MSRA: variants seen among roughly 807,000 people sequenced by gnomAD.
The protein encoded by MSRA is mitochondrial peptide methionine sulfoxide reductase.
MSRA carries 54 observed loss-of-function variants against 31.3 expected under a neutral mutation model. The observed-to-expected ratio is 1.73, with a 90% CI of 1.39 to 2.17. The LOEUF (loss-of-function observed/expected upper bound fraction) is 2.17. Among genes scored for constraint, MSRA ranks in the 30% most tolerant of loss-of-function variants. The pLI is 0.00. For synonymous variants in MSRA, 169 were observed against 116.5 expected (o/e 1.45, Z -2.90); for missense variants, 507 against 300.9 (o/e 1.69, Z -5.07).
At chr8:10,146,428 C>G (rs551069008) in intron 1 of MSRA, among the ~76,000 whole-genome samples, 131 of 152,296 alleles carry the variant, frequency 8.6e-4, no homozygotes, top group Non-Finnish European at 1.4e-3. Context: ...CCCTGGGATG[C>G]TCTTGCATCG....
chr8:10,188,351 A>C (rs560511506), intron 1 of MSRA, among the ~76,000 whole-genome samples: 111 of 152,196 alleles, frequency 7.3e-4, no homozygotes, highest in Non-Finnish European at 1.4e-3. Context: ...AAACTTCCTC[A>C]TGTTATCGTT....
chr8:10,099,764 C>T (rs940468336), intron 1 of MSRA, among the ~76,000 whole-genome samples: 4 of 152,152 alleles, frequency 2.6e-5, no homozygotes, highest in African/African-American at 9.7e-5. Flanking sequence ...CTTGCGGTGG[C>T]CATTGGAGAT....
intron 1 of MSRA, among the ~76,000 whole-genome samples, chr8:10,164,146 C>G (rs1804916271): frequency 1.3e-5 from 2 of 152,208 alleles, no homozygotes; most frequent in Non-Finnish European, 2.9e-5. Flanking sequence ...CAGAATACTA[C>G]TTTTAACTGG....
intron 3 of MSRA, among the ~76,000 whole-genome samples, chr8:10,262,873 C>T (rs558636619): frequency 6.6e-6 from 1 of 152,168 alleles, no homozygotes; most frequent in Non-Finnish European, 1.5e-5. Flanking sequence ...CTTCTATTGA[C>T]CTTGTTACTG....
chr8:10,285,875 A>G (rs10098384), intron 3 of MSRA, among the ~76,000 whole-genome samples: 2,797 of 152,238 alleles, frequency 0.018, 88 homozygotes, highest in African/African-American at 0.061. Flanking sequence ...ACAAAGCTGT[A>G]TTTCTTCTTC....
intron 1 of MSRA, among the ~76,000 whole-genome samples, chr8:10,170,217 G>C (rs925295884): frequency 6.6e-6 from 1 of 151,856 alleles, no homozygotes; most frequent in African/African-American, 2.4e-5. Flanking sequence ...GACAATGCTT[G>C]TCTCCCTCCA....
At chr8:10,085,661 G>A (rs377723056) in intron 1 of MSRA, among the ~76,000 whole-genome samples, 1 of 152,170 alleles carries the variant, frequency 6.6e-6, no homozygotes, top group Admixed American at 6.5e-5. Context: ...TTTTTAACAA[G>A]TTTGTACAGT....
At chr8:10,330,512 T>C (rs958524372) in intron 5 of MSRA, among the ~76,000 whole-genome samples, 3 of 152,214 alleles carry the variant, frequency 2.0e-5, no homozygotes, top group Non-Finnish European at 2.9e-5. Flanking sequence ...TTAATTACCT[T>C]ATCAAATATT....
intron 2 of MSRA, among the ~76,000 whole-genome samples, chr8:10,222,591 G>A (rs749307207): frequency 6.6e-6 from 1 of 152,152 alleles, no homozygotes; most frequent in Non-Finnish European, 1.5e-5. Context: ...AAGATACAAT[G>A]TCCATCAGTG....
chr8:10,246,096 A>G (rs559747995), intron 3 of MSRA, among the ~76,000 whole-genome samples: 1 of 152,270 alleles, frequency 6.6e-6, no homozygotes, highest in Non-Finnish European at 1.5e-5. Context: ...CTTGCTGCCT[A>G]TCTATATAAG....
chr8:10,384,317 C>G (rs1399427997), intron 5 of MSRA, among the ~76,000 whole-genome samples: 8 of 152,202 alleles, frequency 5.3e-5, no homozygotes, highest in African/African-American at 1.7e-4. Flanking sequence ...AGACACTCTG[C>G]CTGTGCTAGG....
At chr8:10,268,960 CA>C (rs1482125680) in intron 3 of MSRA, among the ~76,000 whole-genome samples, 1 of 152,198 alleles carries the variant, frequency 6.6e-6, no homozygotes, top group African/African-American at 2.4e-5. Context: ...GGAGAAGATG[CA>C]GATTGGAACA....
At chr8:10,180,536 G>T (rs140280215) in intron 1 of MSRA, among the ~76,000 whole-genome samples, 20 of 152,180 alleles carry the variant, frequency 1.3e-4, no homozygotes, top group Admixed American at 3.3e-4. Context: ...GGTTCCTCCG[G>T]GAGCCAGTCC....
intron 1 of MSRA, among the ~76,000 whole-genome samples, chr8:10,106,892 G>C (rs62488698): frequency 5.9e-5 from 8 of 136,142 alleles, no homozygotes; most frequent in East Asian, 2.2e-4. Flanking sequence ...CCCTCCACCC[G>C]CCTACCCCTC....
rs540219221 is a variant in MSRA at position 10,063,545 on chromosome 8, T to G, written c.142+8887T>G. Among the ~76,000 whole-genome samples the G allele has an allele frequency of 4.3e-4, 66 of 152,304 alleles. 1 individual carries two copies. The South Asian group carries it at 0.014, about 32-fold the overall frequency. On this transcript the variant is annotated intron_variant, in intron 1 of 5. Coordinates refer to ENST00000317173, the MANE Select transcript of MSRA (RefSeq NM_012331.5). ...CTATGTGCCCCTACTGAATTCATGTTGAAATCCTCACCCCCCCAGGTGATG... is the reference window on the plus strand; with the variant it reads ...CTATGTGCCCCTACTGAATTCATGTGGAAATCCTCACCCCCCCAGGTGATG...
Position 10,301,637 on chromosome 8 carries a change from AG to A in MSRA, c.436+1del. The part of the protein sequence containing the change: ...VFWENHDPTQ[G>X]MRQGNDHGTQ... ...TCTGGGAGAATCACGACCCGACCCA[AG>A]GTAGAGTGATGAGTGAGCCAGTATT... On this transcript the variant is annotated frameshift_variant and splice_region_variant, in exon 4 of 6. Coordinates refer to ENST00000317173, the MANE Select transcript of MSRA (RefSeq NM_012331.5). LOFTEE classifies it high-confidence loss of function. 1 of 1,611,526 alleles carries A rather than the reference AG, an allele frequency of 6.2e-7. No individual in the cohort carries two copies.
chr8:10,187,212 A>G (rs1807132469), intron 1 of MSRA, among the ~76,000 whole-genome samples: 1 of 152,196 alleles, frequency 6.6e-6, no homozygotes, highest in African/African-American at 2.4e-5. Context: ...TGGTCTCCAC[A>G]TGATCCACAG....
At chr8:10,309,625 C>T (rs952402324) in intron 4 of MSRA, among the ~76,000 whole-genome samples, 17 of 152,204 alleles carry the variant, frequency 1.1e-4, no homozygotes, top group Admixed American at 6.5e-4. Flanking sequence ...GTTTGCCCCC[C>T]GTGGGCTGCA....
chr8:10,106,019 G>C (rs552401776), intron 1 of MSRA, among the ~76,000 whole-genome samples: 42 of 152,272 alleles, frequency 2.8e-4, no homozygotes, highest in African/African-American at 1.0e-3. Flanking sequence ...AATTGGAATC[G>C]GAAAGGATAC....
Sources: allele counts gnomAD v4.1 joint callset (sites outside exome capture counted in the v4.1 genomes callset), GRCh38; gene constraint gnomAD v4.1.1; transcripts MANE v1.5; gene names NCBI Gene and HGNC (gene_info 2026-07-23, HGNC 2026-07-21).